The following IQCH variants were observed in gnomAD, a reference collection of about 807,000 sequenced individuals.
IQCH encodes the protein IQ motif containing H.
IQCH carries 98 observed loss-of-function variants against 117.0 expected under a neutral mutation model. The observed-to-expected ratio is 0.84, with a 90% CI of 0.71 to 0.99. IQCH has a LOEUF of 0.99. Among genes scored for constraint, IQCH ranks in the 50% least tolerant of loss-of-function variants. The probability of loss-of-function intolerance (pLI) is 0.00; values close to 1 mark genes in which losing one functional copy is unlikely to be tolerated. For missense variants in IQCH, 1,102 were observed against 1,243.8 expected, an observed-to-expected ratio of 0.89 and a Z score of 1.72; for synonymous variants, 412 against 448.2, an observed-to-expected ratio of 0.92 and a Z score of 1.02.
At position 67,494,140 on chromosome 15, in the gene IQCH, T is replaced by G. The variant is rs970441601; in HGVS notation, c.2862-118T>G. Reference sequence around the variant, plus strand: ...TATCTCCCTGAAGATTGCCACCTTGTGAGATTGAAAATACTCATTAAATTC... The same window carrying G: ...TATCTCCCTGAAGATTGCCACCTTGGGAGATTGAAAATACTCATTAAATTC... On this transcript the variant is annotated intron_variant, in intron 19 of 20. Coordinates refer to ENST00000335894, the MANE Select transcript of IQCH (RefSeq NM_001031715.3). This position sits in a 1 kb window ranked among gnomAD's most constrained non-coding sequence, Gnocchi z 5.5. 18 of 621,264 alleles carry G rather than the reference T, an allele frequency of 2.9e-5. No homozygotes were observed. Among genetic ancestry groups the G allele is most frequent in the Middle Eastern group, 5.2e-4 (2 of 3,816 alleles). 38.5% of individuals were successfully genotyped at this position (621,264 alleles called of 1,614,324 possible).
Position 67,311,852 on chromosome 15 carries a change from C to T in IQCH, c.388-25123C>T, listed in dbSNP as rs546025442. Among the ~76,000 whole-genome samples the T allele has an allele frequency of 1.3e-3, 195 of 151,992 alleles. 1 individual carries two copies. Among genetic ancestry groups the T allele is most frequent in the Middle Eastern group, 3.4e-3 (1 of 294 alleles). ...ATTTATTTTTTAACAAGAGCAAATC[C>T]GCTACTTAATTAAAACAAAGGAGTT... is the stretch of plus-strand genomic sequence containing the variant. On this transcript the variant is annotated intron_variant, in intron 4 of 20. Coordinates refer to ENST00000335894, the MANE Select transcript of IQCH (RefSeq NM_001031715.3).
rs1051244556 is a variant in IQCH at position 67,426,393 on chromosome 15, T to A, written c.2505+4816T>A. ...CAATTTCAATCCAGCACCTCAAGGT[T>A]CTTTCTAGAATTCCCCTTTTCCACA... On this transcript the variant is annotated intron_variant, in intron 16 of 20. Transcript: ENST00000335894. The surrounding 1 kb of genome is among the most constrained non-coding windows in gnomAD (Gnocchi z 5.1). 2.0e-5 allele frequency among the ~76,000 whole-genome samples: 3 copies of A among 152,178 alleles called. No homozygotes were observed. The highest frequency in any genetic ancestry group is 7.2e-5 in the African/African-American group (3 of 41,440).
chr15:67,291,318 G>C (rs899643722), intron 4 of IQCH, among the ~76,000 whole-genome samples: 1 of 152,098 alleles, frequency 6.6e-6, no homozygotes, highest in Non-Finnish European at 1.5e-5. Flanking sequence ...CTGGCACATG[G>C]TAAAGTGCTC....
Position 67,395,811 on chromosome 15 carries a change from TC to T in IQCH, c.1905+251del, listed in dbSNP as rs1332747997. Among the ~76,000 whole-genome samples, 2 of 151,934 alleles carry T rather than the reference TC, an allele frequency of 1.3e-5. No individual in the cohort carries two copies. The highest frequency in any genetic ancestry group is 4.8e-5 in the African/African-American group (2 of 41,346). On this transcript the variant is annotated intron_variant, in intron 13 of 20. Transcript: ENST00000335894. The surrounding 1 kb of genome is among the most constrained non-coding windows in gnomAD (Gnocchi z 4.0). ...ATCTTGGCTCACTGCAACCTCCACC[TC>T]CCAGTTTCTGTGACTTCCAGCTAAT...
chr15:67,308,277 A>G (rs1172903565), intron 4 of IQCH, among the ~76,000 whole-genome samples: 1 of 152,064 alleles, frequency 6.6e-6, no homozygotes, highest in Non-Finnish European at 1.5e-5. Context: ...ATTCTTTCTC[A>G]CACCTGCTGG....
rs1045469222 is a variant in IQCH, at chr15:67,272,265, GA to G, written c.270-7123del. 1.8e-4 allele frequency among the ~76,000 whole-genome samples: 28 copies of G among 152,114 alleles called. No homozygotes were observed. The East Asian group carries it at 4.2e-3, about 23-fold the overall frequency. ...TTCTAGTTTTATCTCATTGTAGTTA[GA>G]AAAAAATACTTAATATGGTTTCTAC... On this transcript the variant is annotated intron_variant, in intron 3 of 20. Coordinates refer to ENST00000335894, the MANE Select transcript of IQCH (RefSeq NM_001031715.3).
Position 67,387,871 on chromosome 15 carries a change from T to C in IQCH, c.1457-960T>C, listed in dbSNP as rs12903168. ...TACTCTGCCAAACTGATCAGAGGAGTCTGAAGATCCTCTCTTTGCCCTGCT... is the reference window on the plus strand; with the variant it reads ...TACTCTGCCAAACTGATCAGAGGAGCCTGAAGATCCTCTCTTTGCCCTGCT... On this transcript the variant is annotated intron_variant, in intron 11 of 20. Transcript: ENST00000335894. The surrounding 1 kb of genome is among the most constrained non-coding windows in gnomAD (Gnocchi z 4.8). Among the ~76,000 whole-genome samples the C allele has an allele frequency of 0.24, 36,278 of 152,000 alleles. 5,407 individuals are homozygous for C. Among genetic ancestry groups the C allele is most frequent in the East Asian group, 0.56 (2,867 of 5,158 alleles).
chr15:67,465,322 G>C lies in IQCH; in HGVS notation c.2676+25G>C. ...GGTAAGCAAGAGGTGCTTCCTGAAG[G>C]TTCTCGGTGTTCAGCAACACCCACT... On this transcript the variant is annotated intron_variant, in intron 17 of 20. Transcript: ENST00000335894. The surrounding 1 kb of genome is among the most constrained non-coding windows in gnomAD (Gnocchi z 5.9). 1 of 1,605,182 alleles carries C rather than the reference G, an allele frequency of 6.2e-7. No homozygotes were observed. The highest frequency in any genetic ancestry group is 1.1e-5 in the South Asian group (1 of 90,820).
chr15:67,386,080 T>C lies in IQCH; in HGVS notation c.1456+1061T>C, dbSNP rs570350114. ...AGGCACTCAGATTGTTTTTCAGCAT[T>C]ACAAAAAAAATTTTTAATGACTTAA... On this transcript the variant is annotated intron_variant, in intron 11 of 20. Transcript: ENST00000335894. This position sits in a 1 kb window ranked among gnomAD's most constrained non-coding sequence, Gnocchi z 5.0. 2.6e-5 allele frequency among the ~76,000 whole-genome samples: 4 copies of C among 152,262 alleles called. No individual in the cohort carries two copies. The highest frequency in any genetic ancestry group is 4.1e-4 in the South Asian group (2 of 4,824).
intron 4 of IQCH, among the ~76,000 whole-genome samples, chr15:67,330,269 T>C (rs1439216434): frequency 1.3e-5 from 2 of 152,216 alleles, no homozygotes; most frequent in Non-Finnish European, 1.5e-5. Flanking sequence ...TTCAGAATTA[T>C]GAAATGCTTC....
chr15:67,259,973 A>G (rs1168352847), intron 1 of IQCH, among the ~76,000 whole-genome samples: 1 of 152,250 alleles, frequency 6.6e-6, no homozygotes, highest in Non-Finnish European at 1.5e-5. Flanking sequence ...CATCAGTGAA[A>G]AGGTGTAAAT....
intron 4 of IQCH, among the ~76,000 whole-genome samples, chr15:67,295,117 T>A (rs1183067208): frequency 6.6e-6 from 1 of 152,152 alleles, no homozygotes; most frequent in Non-Finnish European, 1.5e-5. Context: ...TCTTCATACC[T>A]CCAGCACCCT....
rs1971593554 is a variant in IQCH at position 67,400,090 on chromosome 15, G to T, written c.1906-24G>T. 2.5e-6 allele frequency: 4 copies of T among 1,600,004 alleles called. No homozygotes were observed. The African/African-American group carries it at 5.4e-5, about 21-fold the overall frequency. ...TCCCAGGAAATGAACTGTATTAAAT[G>T]CAGCTGTGTCTTTGGCCTCACAGAT... On this transcript the variant is annotated intron_variant, in intron 13 of 20. Coordinates refer to ENST00000335894, the MANE Select transcript of IQCH (RefSeq NM_001031715.3).
intron 8 of IQCH, among the ~76,000 whole-genome samples, chr15:67,361,814 T>C (rs1462767582): frequency 6.6e-6 from 1 of 152,204 alleles, no homozygotes; most frequent in Non-Finnish European, 1.5e-5. Flanking sequence ...GTAATAGTTA[T>C]TTCAATAAAT....
chr15:67,395,194 T>C lies in IQCH; in HGVS notation c.1633-97T>C. 7.7e-7 allele frequency: 1 copy of C among 1,290,474 alleles called. No homozygotes were observed. The highest frequency in any genetic ancestry group is 1.1e-6 in the Non-Finnish European group (1 of 935,870). 79.9% of individuals were successfully genotyped at this position (1,290,474 alleles called of 1,614,324 possible). A position where few individuals can be genotyped will look rare whatever the true frequency, so the allele number is the denominator to read the frequency against. On this transcript the variant is annotated intron_variant, in intron 12 of 20. Transcript: ENST00000335894. This position sits in a 1 kb window ranked among gnomAD's most constrained non-coding sequence, Gnocchi z 4.0. ...CAGGATAGGTCATAACCCAGCCTGC[T>C]ATTAATAATGTATTTATTATGTGCA...
At chr15:67,294,659 C>A (rs1313979672) in intron 4 of IQCH, among the ~76,000 whole-genome samples, 1 of 152,206 alleles carries the variant, frequency 6.6e-6, no homozygotes, top group Non-Finnish European at 1.5e-5. Context: ...AAAGGCAACA[C>A]CCTGATGATT....
chr15:67,261,630 C>T (rs1201206385), intron 2 of IQCH, among the ~76,000 whole-genome samples: 1 of 152,146 alleles, frequency 6.6e-6, no homozygotes, highest in Admixed American at 6.5e-5. Flanking sequence ...AGTGACAACT[C>T]CTAAAATGTG....
chr15:67,372,505 A>G lies in IQCH; in HGVS notation c.1148A>G (p.Tyr383Cys), dbSNP rs1401156204. ...AMKIQATWKC[Y>C]KARKFFLFYR... ...AAGATCCAAGCCACATGGAAATGCTACAAAGCAAGAAAATTCTTCCTCTTT... is the reference window on the plus strand; with the variant it reads ...AAGATCCAAGCCACATGGAAATGCTGCAAAGCAAGAAAATTCTTCCTCTTT... The change falls in exon 9 of 21, where the codon TAC (tyrosine) becomes TGC (cysteine). Residue 383 changes from tyrosine (Y) to cysteine (C), a missense_variant. Tyr to Cys is a radical substitution (Grantham distance 194, BLOSUM62 -2). This residue lies in a region of IQCH where 452 missense variants were observed against 449.6 expected (regional missense o/e 1.01). Transcript: ENST00000335894. The G allele has an allele frequency of 1.2e-6, 2 of 1,614,098 alleles. No individual in the cohort carries two copies. The highest frequency in any genetic ancestry group is 1.7e-5 in the Admixed American group (1 of 60,008).
rs4278695 is a variant in IQCH at position 67,494,726 on chromosome 15, A to G, written c.2970+360A>G. On this transcript the variant is annotated intron_variant, in intron 20 of 20. Coordinates refer to ENST00000335894, the MANE Select transcript of IQCH (RefSeq NM_001031715.3). The surrounding 1 kb of genome is among the most constrained non-coding windows in gnomAD (Gnocchi z 5.5). ...GTTATCTATCTATATTCCAGATAAT[A>G]CAAGGTCTGACTAGTGATTCCTGGG... 0.13 allele frequency among the ~76,000 whole-genome samples: 19,460 copies of G among 152,226 alleles called. 1,338 individuals carry two copies. The highest frequency in any genetic ancestry group is 0.2 in the East Asian group (1,057 of 5,186).
Sources: gnomAD v4.1 joint callset for allele counts (sites outside exome capture counted in the v4.1 genomes callset) on GRCh38, gnomAD v4.1.1 for gene constraint, gnomAD v4.1.1 regional missense constraint, Gnocchi (gnomAD v3.1) non-coding constraint, MANE v1.5 for transcripts, NCBI Gene and HGNC (gene_info 2026-07-23, HGNC 2026-07-21) for gene names.